Variants in MYOM2 observed in about 807,000 individuals in gnomAD.
MYOM2 encodes the protein myomesin 2, also known as myomesin-2.
In MYOM2, 254 loss-of-function variants were observed where a neutral mutation model predicts 187.6. The ratio of observed to expected loss-of-function variants is 1.35; its 90% CI spans 1.22 to 1.50. The LOEUF (loss-of-function observed/expected upper bound fraction) is 1.50, where lower values mean the gene tolerates loss of function less well. Among genes scored for constraint, MYOM2 ranks in the 40% most tolerant of loss-of-function variants. The pLI, the probability that MYOM2 is intolerant of heterozygous loss-of-function variation, is 0.00. For missense variants in MYOM2, 2,796 were observed against 1,924.0 expected, an observed-to-expected ratio of 1.45 and a Z score of -8.48; for synonymous variants, 981 against 753.8, an observed-to-expected ratio of 1.30 and a Z score of -4.94.
chr8:2,117,052 T>C lies in MYOM2; in HGVS notation c.3385+777T>C, dbSNP rs183485917. ...TGCTGGGATTACAGGGGTGATCCAC[T>C]GCGCCCAGCCTCAAAAAACATTTTT... On this transcript the variant is annotated intron_variant, in intron 27 of 36. Transcript: ENST00000262113. Among the ~76,000 whole-genome samples, 810 of 152,376 alleles carry C rather than the reference T, an allele frequency of 5.3e-3. 6 individuals carry two copies. The highest frequency in any genetic ancestry group is 0.018 in the African/African-American group (758 of 41,596).
intron 32 of MYOM2, 84 bp from the exon 33 acceptor site, chr8:2,140,639 A>G: frequency 1.4e-6 from 2 of 1,404,142 alleles, no homozygotes; most frequent in Non-Finnish European, 1.9e-6. Flanking sequence ...GAAGGCTGTC[A>G]CAGCAACGGG....
At chr8:2,120,374 G>A (rs1056244050) in intron 28 of MYOM2, among the ~76,000 whole-genome samples, 20 of 151,932 alleles carry the variant, frequency 1.3e-4, no homozygotes, top group South Asian at 4.2e-4. Flanking sequence ...CCACCTCAGC[G>A]GGGACACTGG....
intron 31 of MYOM2, among the ~76,000 whole-genome samples, chr8:2,127,530 A>T (rs1397424250): frequency 4.6e-5 from 7 of 152,176 alleles, no homozygotes; most frequent in Non-Finnish European, 1.0e-4. Flanking sequence ...CCTCCTTTGC[A>T]GTGGACTAGC....
intron 35 of MYOM2, among the ~76,000 whole-genome samples, chr8:2,142,634 C>T (rs1585984754): frequency 6.6e-6 from 1 of 151,918 alleles, no homozygotes. Flanking sequence ...TCCCTCCTCC[C>T]TTGCAGAACC....
intron 20 of MYOM2, 94 bp downstream of exon 20, chr8:2,101,148 C>A (rs1007188914): frequency 7.8e-7 from 1 of 1,274,624 alleles, no homozygotes; most frequent in African/African-American, 1.5e-5. Flanking sequence ...GAGTTCGAAA[C>A]CAGCCTGGCC....
intron 19 of MYOM2, among the ~76,000 whole-genome samples, chr8:2,100,104 CCT>C (rs1796643531): frequency 9.8e-6 from 1 of 101,950 alleles, no homozygotes; most frequent in Non-Finnish European, 2.0e-5. Flanking sequence ...TTCCTTCCTT[CCT>C]TCTTTCTTTC....
intron 12 of MYOM2, 99 bp downstream of exon 12, chr8:2,079,032 T>C: frequency 8.6e-6 from 10 of 1,168,326 alleles, no homozygotes; most frequent in Non-Finnish European, 1.3e-5. Context: ...ATGTGAGCCC[T>C]GAGAATGCCC....
intron 32 of MYOM2, among the ~76,000 whole-genome samples, chr8:2,135,552 C>T (rs760049043): frequency 1.1e-4 from 17 of 152,218 alleles, no homozygotes; most frequent in Admixed American, 3.3e-4. Flanking sequence ...CTACCTACCC[C>T]GTCACAGTTG....
At chr8:2,079,334 G>C (rs946392882) in intron 12 of MYOM2, among the ~76,000 whole-genome samples, 1 of 152,160 alleles carries the variant, frequency 6.6e-6, no homozygotes, top group East Asian at 1.9e-4. Context: ...TTGTAAGCGA[G>C]CCACTATATT....
chr8:2,067,307 C>T (rs1427991022), intron 6 of MYOM2, among the ~76,000 whole-genome samples: 6 of 152,180 alleles, frequency 3.9e-5, no homozygotes, highest in Admixed American at 3.9e-4. Context: ...TCTTGCTTTT[C>T]TCAAAAGTGG....
At chr8:2,093,064 T>C (rs990038521) in intron 16 of MYOM2, among the ~76,000 whole-genome samples, 1 of 152,130 alleles carries the variant, frequency 6.6e-6, no homozygotes, top group Non-Finnish European at 1.5e-5. Context: ...TGTGCAGGGA[T>C]GTCTGAGGTT....
At chr8:2,059,312 A>T in intron 6 of MYOM2, 67 bp downstream of exon 6, 1 of 1,446,902 alleles carries the variant, frequency 6.9e-7, no homozygotes, top group South Asian at 1.2e-5. Context: ...CCAAAGAAGA[A>T]GTCAGATGGG....
rs867524390 is a variant in MYOM2, at chr8:2,145,149, C to T, written c.*168C>T. On this transcript the variant is annotated 3_prime_UTR_variant, in exon 37 of 37. Coordinates refer to ENST00000262113, the MANE Select transcript of MYOM2 (RefSeq NM_003970.4). ...CATTTGGTGATGAATATTTTATACC[C>T]GTCTAAGGGAGAAAGCTAATGTTTT... is the stretch of plus-strand genomic sequence containing the variant. 20 of 702,974 alleles carry T rather than the reference C, an allele frequency of 2.8e-5. No homozygotes were observed. The highest frequency in any genetic ancestry group is 7.9e-4 in the Middle Eastern group (2 of 2,540). 43.5% of individuals were successfully genotyped at this position (702,974 alleles called of 1,614,324 possible). A position where few individuals can be genotyped will look rare whatever the true frequency, so the allele number is the denominator to read the frequency against.
At chr8:2,074,261 C>CAA (rs1431891829) in intron 10 of MYOM2, among the ~76,000 whole-genome samples, 11 of 152,216 alleles carry the variant, frequency 7.2e-5, no homozygotes, top group Admixed American at 7.2e-4. Context: ...ACAGTGATAG[C>CAA]AAAAGGAAAT....
At chr8:2,057,282 G>A (rs1028645008) in intron 3 of MYOM2, 66 bp from the exon 4 acceptor site, 21 of 1,538,264 alleles carry the variant, frequency 1.4e-5, no homozygotes, top group Non-Finnish European at 1.7e-5. Flanking sequence ...GCCCTTTCCG[G>A]CCTTCGGGGG....
intron 10 of MYOM2, among the ~76,000 whole-genome samples, chr8:2,074,033 G>A (rs1563432527): frequency 6.6e-6 from 1 of 152,172 alleles, no homozygotes; most frequent in Non-Finnish European, 1.5e-5. Context: ...ATCACCAGAC[G>A]CTTTATGTCA....
chr8:2,100,690 G>T (rs3779840), intron 19 of MYOM2, among the ~76,000 whole-genome samples, 186 bp from the exon 20 acceptor site: 1 of 151,330 alleles, frequency 6.6e-6, no homozygotes, highest in African/African-American at 2.4e-5. Context: ...GACCCCCAAC[G>T]TCATGCTGAG....
In MYOM2 at chr8:2,079,809, G is replaced by A. The variant is rs376565835; in HGVS notation, c.1516+196G>A. ...GAAAAAATCAAGCAAGACAGAGTGA[G>A]AGGGTGGGAGAAAGGGTGAAGGATT... On this transcript the variant is annotated intron_variant, in intron 13 of 36. Transcript: ENST00000262113. Among the ~76,000 whole-genome samples the A allele has an allele frequency of 7.9e-5, 12 of 152,308 alleles. No individual in the cohort carries two copies. In the East Asian group the frequency reaches 1.5e-3, roughly 20 times the overall value.
rs144537298 is a variant in MYOM2, at chr8:2,073,029, G to A, written c.959-310G>A. On this transcript the variant is annotated intron_variant, in intron 9 of 36. Transcript: ENST00000262113. ...GGGGAAGCCGGTTGGGGCAGTGGCC[G>A]TCCAGCAGAGAAGCAGCGGGCCCCC... 8.3e-3 allele frequency among the ~76,000 whole-genome samples: 1,260 copies of A among 152,328 alleles called. 8 individuals carry two copies. The highest frequency in any genetic ancestry group is 0.013 in the Admixed American group (202 of 15,306).
Sources: allele counts gnomAD v4.1 joint callset (sites outside exome capture counted in the v4.1 genomes callset), GRCh38; gene constraint gnomAD v4.1.1; transcripts MANE v1.5; gene names NCBI Gene and HGNC (gene_info 2026-07-23, HGNC 2026-07-21).